The following TEX2 variants were observed in gnomAD, a reference collection of about 807,000 sequenced individuals.
TEX2 encodes testis-expressed protein 2.
A neutral mutation model predicts 106.9 loss-of-function variants in TEX2; 53 were observed. The ratio of observed to expected loss-of-function variants is 0.50; its 90% CI spans 0.40 to 0.62. The LOEUF (loss-of-function observed/expected upper bound fraction) is 0.62. TEX2 is among the 20% of genes least tolerant of loss of function. The probability of loss-of-function intolerance (pLI) is 0.00; values close to 1 mark genes in which losing one functional copy is unlikely to be tolerated. For synonymous variants in TEX2, 523 were observed against 534.8 expected (o/e 0.98, Z 0.30); for missense variants, 1,207 against 1,379.0 (o/e 0.88, Z 1.98).
intron 8 of TEX2, among the ~76,000 whole-genome samples, chr17:64,157,295 A>G (rs1021010263): frequency 2.0e-5 from 3 of 152,242 alleles, no homozygotes; most frequent in Non-Finnish European, 2.9e-5. Context: ...TATCCTTTCA[A>G]AGAGACACCT....
chr17:64,219,715 G>T (rs1238345805), intron 1 of TEX2, among the ~76,000 whole-genome samples: 1 of 151,944 alleles, frequency 6.6e-6, no homozygotes, highest in Non-Finnish European at 1.5e-5. Context: ...CCAGATGGAA[G>T]GTTGGAAAGG....
At chr17:64,199,720 C>T (rs112278430) in intron 2 of TEX2, among the ~76,000 whole-genome samples, 23 of 152,314 alleles carry the variant, frequency 1.5e-4, no homozygotes, top group Non-Finnish European at 2.8e-4. Flanking sequence ...GAATCCAGTG[C>T]GTACTTTACG....
At chr17:64,212,461 A>C in intron 2 of TEX2, 113 bp downstream of exon 2, 1 of 1,023,098 alleles carries the variant, frequency 9.8e-7, no homozygotes, top group African/African-American at 1.6e-5. Flanking sequence ...AAGCTCTTAA[A>C]AAACACGGCC....
chr17:64,206,080 G>C (rs2032819141), intron 2 of TEX2, among the ~76,000 whole-genome samples: 1 of 152,096 alleles, frequency 6.6e-6, no homozygotes, highest in African/African-American at 2.4e-5. Flanking sequence ...ATAATCCTGG[G>C]CAAGGGACCA....
chr17:64,214,310 G>T, intron 1 of TEX2, 68 bp from the exon 2 acceptor site: 2 of 1,338,564 alleles, frequency 1.5e-6, no homozygotes, highest in Non-Finnish European at 2.1e-6. Context: ...GTCATTCGCA[G>T]ATAGGAGCAC....
intron 2 of TEX2, among the ~76,000 whole-genome samples, chr17:64,208,441 T>A (rs112708150): frequency 6.6e-6 from 1 of 152,184 alleles, no homozygotes; most frequent in East Asian, 1.9e-4. Flanking sequence ...GGTCCCACTA[T>A]GTTGCCCAGG....
chr17:64,171,449 C>A (rs548102753), intron 6 of TEX2, among the ~76,000 whole-genome samples: 24 of 152,152 alleles, frequency 1.6e-4, no homozygotes, highest in African/African-American at 5.8e-4. Context: ...AATACATAGA[C>A]AATATACTTC....
chr17:64,222,259 G>A (rs1208243934), intron 1 of TEX2, among the ~76,000 whole-genome samples: 6 of 152,036 alleles, frequency 3.9e-5, no homozygotes, highest in African/African-American at 9.7e-5. Context: ...GGTGGCTCAC[G>A]CTTGTAATCT....
intron 1 of TEX2, among the ~76,000 whole-genome samples, chr17:64,219,010 A>C (rs1310930266): frequency 6.6e-6 from 1 of 152,168 alleles, no homozygotes; most frequent in Non-Finnish European, 1.5e-5. Flanking sequence ...AAGCACTTTC[A>C]CCCGAAGCCT....
chr17:64,237,262 A>G (rs2033791912), intron 1 of TEX2, among the ~76,000 whole-genome samples: 1 of 151,812 alleles, frequency 6.6e-6, no homozygotes, highest in South Asian at 2.1e-4. Flanking sequence ...TCATGGGGGA[A>G]TCTGAAGCAG....
intron 1 of TEX2, among the ~76,000 whole-genome samples, chr17:64,247,293 AAAAG>A (rs1163762325): frequency 6.6e-6 from 1 of 151,886 alleles, no homozygotes; most frequent in African/African-American, 2.4e-5. Context: ...AAAAGAAAAG[AAAAG>A]AAAGAAAGAA....
chr17:64,191,052 C>A (rs1543268), intron 4 of TEX2, among the ~76,000 whole-genome samples: 84,724 of 152,074 alleles, frequency 0.56, 24,893 homozygotes, highest in East Asian at 0.83. Flanking sequence ...ACAGTGCTCA[C>A]CAATTTACCT....
At chr17:64,174,221 C>T (rs771161497) in intron 6 of TEX2, among the ~76,000 whole-genome samples, 2 of 152,218 alleles carry the variant, frequency 1.3e-5, no homozygotes, top group Non-Finnish European at 2.9e-5. Context: ...AGGAACATAA[C>T]TGTCCCTTCT....
chr17:64,215,446 A>T (rs879972339), intron 1 of TEX2, among the ~76,000 whole-genome samples: 2 of 152,222 alleles, frequency 1.3e-5, no homozygotes, highest in African/African-American at 2.4e-5. Context: ...TGGTGTGTGC[A>T]GCCACCTGGC....
intron 2 of TEX2, among the ~76,000 whole-genome samples, chr17:64,196,851 G>A (rs1286803118): frequency 1.3e-5 from 2 of 152,080 alleles, no homozygotes; most frequent in Non-Finnish European, 2.9e-5. Flanking sequence ...AAATTGGGCT[G>A]TATCAGCTCA....
At chr17:64,247,467 T>C (rs1329483742) in intron 1 of TEX2, among the ~76,000 whole-genome samples, 2 of 152,068 alleles carry the variant, frequency 1.3e-5, no homozygotes, top group Non-Finnish European at 2.9e-5. Context: ...ATGACGTGTA[T>C]CTCCAATTCT....
intron 1 of TEX2, among the ~76,000 whole-genome samples, chr17:64,232,334 T>C (rs1381883937): frequency 1.3e-5 from 2 of 152,230 alleles, no homozygotes; most frequent in Non-Finnish European, 2.9e-5. Flanking sequence ...ACCTCTTTTT[T>C]TTCTGTCCCC....
intron 10 of TEX2, 110 bp from the exon 11 acceptor site, chr17:64,151,071 T>C: frequency 8.0e-7 from 1 of 1,257,786 alleles, no homozygotes; most frequent in Non-Finnish European, 1.1e-6. Flanking sequence ...CTTAAAATGT[T>C]ATTTTCTTCT....
chr17:64,222,606 G>A (rs368235279), intron 1 of TEX2, among the ~76,000 whole-genome samples: 68 of 150,594 alleles, frequency 4.5e-4, no homozygotes, highest in African/African-American at 1.6e-3. Context: ...GGTCAACACA[G>A]GAGACCCATC....
Sources: gnomAD v4.1 joint callset for allele counts (sites outside exome capture counted in the v4.1 genomes callset) on GRCh38, gnomAD v4.1.1 for gene constraint, MANE v1.5 for transcripts, NCBI Gene and HGNC (gene_info 2026-07-23, HGNC 2026-07-21) for gene names.